RMDN3: variants seen among roughly 807,000 people sequenced by gnomAD.
The protein encoded by RMDN3 is regulator of microtubule dynamics 3.
RMDN3 carries 41 observed loss-of-function variants against 61.8 expected under a neutral mutation model. That is an observed-to-expected ratio of 0.66 (90% CI 0.52 to 0.86). The LOEUF is 0.86. Among genes scored for constraint, RMDN3 ranks in the 40% least tolerant of loss-of-function variants. The probability of loss-of-function intolerance (pLI) is 0.00; values close to 1 mark genes in which losing one functional copy is unlikely to be tolerated. For synonymous variants in RMDN3, 247 were observed against 232.0 expected (o/e 1.06, Z -0.59); for missense variants, 557 against 585.3 (o/e 0.95, Z 0.50).
intron 4 of RMDN3, among the ~76,000 whole-genome samples, chr15:40,750,402 T>C (rs1157746503): frequency 6.6e-6 from 1 of 151,972 alleles, no homozygotes; most frequent in African/African-American, 2.4e-5. Context: ...GTATTTTTAG[T>C]AGAGACAGGG....
At chr15:40,742,443 CA>C (rs555765231) in intron 6 of RMDN3, among the ~76,000 whole-genome samples, 7 of 152,294 alleles carry the variant, frequency 4.6e-5, no homozygotes, top group African/African-American at 1.7e-4. Context: ...AGTACTGTCT[CA>C]CTAGGAAAAT....
chr15:40,754,416 G>A (rs1267838799), intron 2 of RMDN3, among the ~76,000 whole-genome samples, 181 bp downstream of exon 2: 1 of 152,166 alleles, frequency 6.6e-6, no homozygotes, highest in South Asian at 2.1e-4. Context: ...CCAAAGTGCT[G>A]GGATTACAGG....
At chr15:40,742,599 G>C (rs1352174236) in intron 6 of RMDN3, among the ~76,000 whole-genome samples, 1 of 152,198 alleles carries the variant, frequency 6.6e-6, no homozygotes, top group Non-Finnish European at 1.5e-5. Context: ...TACCCAGTAA[G>C]GATAATTCTT....
intron 6 of RMDN3, among the ~76,000 whole-genome samples, chr15:40,741,165 G>A (rs191873030): frequency 6.7e-4 from 102 of 152,120 alleles, no homozygotes; most frequent in Non-Finnish European, 1.3e-3. Flanking sequence ...TGAATCTCAA[G>A]TTGTATAAAA....
At position 40,752,055 on chromosome 15, in the gene RMDN3, A is replaced by G; in HGVS notation, c.311T>C (p.Leu104Pro). Residue 104 changes from leucine (L) to proline (P), a missense_variant, in exon 3 of 13, where the codon CTG becomes CCG. Physicochemically the swap from Leu to Pro is moderately conservative, Grantham distance 98. Transcript: ENST00000338376. ...TCTCAGCTCCTCCACCTCCCGCCGC[A>G]GCGCCACAAGGCTGGTCAGCACAAA... ...LDFVLTSLVALRREVEELRSS... is the reference protein window; with the variant it reads ...LDFVLTSLVAPRREVEELRSS... 1 of 1,614,190 alleles carries G rather than the reference A, an allele frequency of 6.2e-7. No homozygotes were observed. Among genetic ancestry groups the G allele is most frequent in the Non-Finnish European group, 8.5e-7 (1 of 1,180,026 alleles).
Position 40,754,628 on chromosome 15 carries a change from G to C in RMDN3, c.156C>G (p.Asp52Glu). 1 of 1,614,074 alleles carries C rather than the reference G, an allele frequency of 6.2e-7. No homozygotes were observed. The highest frequency in any genetic ancestry group is 1.6e-4 in the Middle Eastern group (1 of 6,062). The stretch of plus-strand genomic sequence containing the variant: ...GTCCGGGATCTGAAGTCTGCGTATA[G>C]TCCAGGGAGTTGGGCAGGCTCTGGC... ...GRSQSLPNSL[D>E]YTQTSDPGRH... is the part of the protein sequence containing the mutation. The change falls in exon 2 of 13, where the codon GAC (aspartate) becomes GAG (glutamate). Residue 52 changes from aspartate (D) to glutamate (E), a missense_variant. By Grantham distance (45) the Asp-to-Glu change is conservative. Coordinates refer to ENST00000338376, the MANE Select transcript of RMDN3 (RefSeq NM_018145.3).
intron 8 of RMDN3, 61 bp downstream of exon 8, chr15:40,738,440 G>A (rs1897151255): frequency 6.4e-7 from 1 of 1,556,246 alleles, no homozygotes; most frequent in Non-Finnish European, 8.9e-7. Flanking sequence ...GCAGGGAGCT[G>A]GAAAGGAGTG....
Position 40,754,701 on chromosome 15 carries a change from C to T in RMDN3, c.83G>A (p.Cys28Tyr), listed in dbSNP as rs1897968839. 2.5e-6 allele frequency: 4 copies of T among 1,613,918 alleles called. No homozygotes were observed. The highest frequency in any genetic ancestry group is 2.2e-5 in the South Asian group (2 of 91,080). ...LGTAAGLGFL[C>Y]LLYSQRWKRT... is the part of the protein sequence containing the mutation. ...TTTCCATCGCTGGCTGTAAAGGAGGCACAGGAATCCAAGGCCGGCGGCGGT... is the reference window on the plus strand; with the variant it reads ...TTTCCATCGCTGGCTGTAAAGGAGGTACAGGAATCCAAGGCCGGCGGCGGT... Residue 28 changes from cysteine (C) to tyrosine (Y), a missense_variant, in exon 2 of 13, where the codon TGC becomes TAC. Coordinates refer to ENST00000338376, the MANE Select transcript of RMDN3 (RefSeq NM_018145.3).
intron 4 of RMDN3, chr15:40,747,800 A>C (rs1368303717): frequency 1.3e-5 from 2 of 152,084 alleles, no homozygotes; most frequent in Non-Finnish European, 2.9e-5. Context: ...TCAGTTACAC[A>C]CATCTCTCCT....
chr15:40,754,395 G>A (rs1397955329), intron 2 of RMDN3, among the ~76,000 whole-genome samples: 1 of 148,104 alleles, frequency 6.8e-6, no homozygotes, highest in East Asian at 1.9e-4. Context: ...TGATCCGCCC[G>A]CCTCGGCCTC....
rs746187145 is a variant in RMDN3, at chr15:40,752,010, G to A, written c.356C>T (p.Ala119Val). 4.2e-5 allele frequency: 68 copies of A among 1,613,888 alleles called. No individual in the cohort carries two copies. The highest frequency in any genetic ancestry group is 3.5e-4 in the Admixed American group (21 of 59,988). ...CCGGACCTCCCCAACAATCTCCCCC[G>A]CAAGCCCTCGCAGGCTGCTTCTCAG... ...EELRSSLRGLAGEIVGEVRCH... is the reference protein window; with the variant it reads ...EELRSSLRGLVGEIVGEVRCH... The change falls in exon 3 of 13, where the codon GCG becomes GTG. Residue 119 changes from alanine to valine, a missense_variant. Transcript: ENST00000338376.
chr15:40,744,488 A>G lies in RMDN3; in HGVS notation c.808-339T>C, dbSNP rs1596047136. On this transcript the variant is annotated intron_variant, in intron 5 of 12. Coordinates refer to ENST00000338376, the MANE Select transcript of RMDN3 (RefSeq NM_018145.3). ...AAGAAAGTGTGAAAGGAAAAGGGAA[A>G]CTTCTAACTTCTGGGGGGGGGGCAT... 3.5e-5 allele frequency among the ~76,000 whole-genome samples: 5 copies of G among 143,530 alleles called. No homozygotes were observed. In the South Asian group the frequency reaches 1.1e-3, roughly 33 times the overall value. 94.2% of individuals were successfully genotyped at this position (143,530 alleles called of 152,430 possible). A position where few individuals can be genotyped will look rare whatever the true frequency, so the allele number is the denominator to read the frequency against.
chr15:40,747,868 C>T (rs1185229403), intron 4 of RMDN3: 2 of 152,130 alleles, frequency 1.3e-5, no homozygotes, highest in African/African-American at 2.4e-5. Flanking sequence ...ATGAGGCCTT[C>T]AAAGATAACC....
Position 40,744,079 on chromosome 15 carries a change from T to TC in RMDN3, c.877dup (p.Glu293GlyfsTer25), listed in dbSNP as rs542334328. The TC allele has an allele frequency of 4.3e-6, 7 of 1,613,448 alleles. No individual in the cohort carries two copies. The South Asian group carries it at 7.7e-5, about 18-fold the overall frequency. ...GGCATATGACTTCTTCTCGCTCACC[T>TC]CCTCAGTGAGCTCACACATGTCACT... is the stretch of plus-strand genomic sequence containing the variant. On this transcript the variant is annotated frameshift_variant, in exon 6 of 13. Coordinates refer to ENST00000338376, the MANE Select transcript of RMDN3 (RefSeq NM_018145.3). LOFTEE classifies it high-confidence loss of function.
In RMDN3 at chr15:40,736,507, G is replaced by T; in HGVS notation, c.*34C>A. 1 of 1,600,794 alleles carries T rather than the reference G, an allele frequency of 6.2e-7. No homozygotes were observed. Among genetic ancestry groups the T allele is most frequent in the Non-Finnish European group, 8.6e-7 (1 of 1,168,236 alleles). The stretch of plus-strand genomic sequence containing the variant: ...CCTCCCCGCCCCCCCACCTTAAATA[G>T]TGGCATCAAGTCATGAAGGCCAGTG... On this transcript the variant is annotated 3_prime_UTR_variant, in exon 13 of 13. Transcript: ENST00000338376.
chr15:40,745,659 C>T (rs1320346545), intron 4 of RMDN3, among the ~76,000 whole-genome samples: 2 of 152,066 alleles, frequency 1.3e-5, no homozygotes, highest in African/African-American at 4.8e-5. Flanking sequence ...AGCCACCATG[C>T]CCAGCAGAAA....
rs975377139 is a variant in RMDN3, at chr15:40,754,755, G to A, written c.29C>T (p.Ala10Val). The change falls in exon 2 of 13, where the codon GCC (alanine) becomes GTC (valine). Residue 10 changes from alanine to valine, a missense_variant. Physicochemically the swap from Ala to Val is moderately conservative, Grantham distance 64 (BLOSUM62 0). Coordinates refer to ENST00000338376, the MANE Select transcript of RMDN3 (RefSeq NM_018145.3). MSRLGALGG[A>V]RAGLGLLLGT... ...CAGCAACAGTCCCAGCCCGGCACGG[G>A]CACCACCCAGGGCTCCCAGTCTAGA... 3 of 1,527,122 alleles carry A rather than the reference G, an allele frequency of 2.0e-6. No homozygotes were observed. The highest frequency in any genetic ancestry group is 2.7e-6 in the Non-Finnish European group (3 of 1,120,658). 94.6% of individuals were successfully genotyped at this position (1,527,122 alleles called of 1,614,324 possible). A position where few individuals can be genotyped will look rare whatever the true frequency, so the allele number is the denominator to read the frequency against.
intron 6 of RMDN3, among the ~76,000 whole-genome samples, chr15:40,741,083 A>C: frequency 1.1e-5 from 1 of 94,698 alleles, no homozygotes; most frequent in Non-Finnish European, 2.0e-5. Flanking sequence ...ACCTCAAAAA[A>C]AACAACAACA....
chr15:40,745,376 ACAAT>A (rs1897487271), intron 4 of RMDN3, 117 bp from the exon 5 acceptor site: 1 of 954,230 alleles, frequency 1.0e-6, no homozygotes, highest in Non-Finnish European at 1.6e-6. Flanking sequence ...GCACCAAATC[ACAAT>A]CATTCATACC....
Sources: allele counts gnomAD v4.1 joint callset (sites outside exome capture counted in the v4.1 genomes callset), GRCh38; gene constraint gnomAD v4.1.1; transcripts MANE v1.5; gene names NCBI Gene and HGNC (gene_info 2026-07-23, HGNC 2026-07-21).